PDAP1: variants seen among roughly 807,000 people sequenced by gnomAD.
PDAP1 encodes PDGFA associated protein 1, also known as 28 kDa heat- and acid-stable phosphoprotein.
PDAP1 carries 13 observed loss-of-function variants against 28.0 expected under a neutral mutation model. That is an observed-to-expected ratio of 0.46 (90% CI 0.30 to 0.74). The LOEUF is 0.74. Among genes scored for constraint, PDAP1 ranks in the 30% least tolerant of loss-of-function variants. The pLI, the probability that PDAP1 is intolerant of heterozygous loss-of-function variation, is 0.07. For missense variants in PDAP1, 150 were observed against 230.0 expected (o/e 0.65, Z 2.25); for synonymous variants, 77 against 85.1 (o/e 0.91, Z 0.52).
intron 4 of PDAP1, 95 bp from the exon 5 acceptor site, chr7:99,398,108 G>A: frequency 1.4e-6 from 2 of 1,434,300 alleles, no homozygotes; most frequent in Non-Finnish European, 9.6e-7. Flanking sequence ...TTCGGCCTAG[G>A]GCCGAGGTGG....
At chr7:99,403,286 A>G in intron 3 of PDAP1, 112 bp downstream of exon 3, 1 of 690,376 alleles carries the variant, frequency 1.4e-6, no homozygotes, top group African/African-American at 1.8e-5. Context: ...TAAACCCTCA[A>G]GAGCAAGGAC....
intron 3 of PDAP1, among the ~76,000 whole-genome samples, chr7:99,401,423 G>A (rs1041875995): frequency 1.3e-5 from 2 of 151,880 alleles, no homozygotes; most frequent in Non-Finnish European, 2.9e-5. Context: ...CGGTCTCCTG[G>A]GTTCAAGCAA....
chr7:99,398,615 G>T (rs1476856593), intron 4 of PDAP1, among the ~76,000 whole-genome samples: 1 of 152,224 alleles, frequency 6.6e-6, no homozygotes, highest in African/African-American at 2.4e-5. Context: ...GAGGCAGGCG[G>T]ATTGCTTGAG....
chr7:99,406,685 CACACA>C, intron 1 of PDAP1: 9 of 855,226 alleles, frequency 1.1e-5, no homozygotes, highest in Non-Finnish European at 1.1e-5. Context: ...CCTCAACTTC[CACACA>C]GGAAGCTGAG....
At chr7:99,402,187 C>T (rs1794880250) in intron 3 of PDAP1, among the ~76,000 whole-genome samples, 2 of 145,808 alleles carry the variant, frequency 1.4e-5, no homozygotes, top group Non-Finnish European at 3.0e-5. Flanking sequence ...CGAGATCGCA[C>T]CACTGCACTC....
At chr7:99,400,556 A>G in intron 3 of PDAP1, 132 bp from the exon 4 acceptor site, 1 of 970,110 alleles carries the variant, frequency 1.0e-6, no homozygotes, top group Non-Finnish European at 1.5e-6. Flanking sequence ...CGTAGTGCTC[A>G]GCCCAAGTCT....
In PDAP1 at chr7:99,394,782, A is replaced by T. The variant is rs922038164; in HGVS notation, c.*1900T>A. On this transcript the variant is annotated 3_prime_UTR_variant, in exon 6 of 6. Coordinates refer to ENST00000350498, the MANE Select transcript of PDAP1 (RefSeq NM_014891.7). ...GAGGTAATAAAATGCAACTGTGTAA[A>T]AAAAAAAAAAAAAAAAAAAGTAATT... 142 of 859,628 alleles carry T rather than the reference A, an allele frequency of 1.7e-4. No homozygotes were observed. The highest frequency in any genetic ancestry group is 1.9e-4 in the Non-Finnish European group (130 of 689,696). 53.3% of individuals were successfully genotyped at this position (859,628 alleles called of 1,614,324 possible).
intron 4 of PDAP1, among the ~76,000 whole-genome samples, chr7:99,398,607 G>A (rs1158639403): frequency 6.6e-6 from 1 of 152,238 alleles, no homozygotes; most frequent in Non-Finnish European, 1.5e-5. Context: ...GGGAGGCTGA[G>A]GCAGGCGGAT....
Position 99,394,870 on chromosome 7 carries a change from T to C in PDAP1, c.*1812A>G. The C allele has an allele frequency of 8.4e-7, 1 of 1,187,678 alleles. No individual in the cohort carries two copies. Among genetic ancestry groups the C allele is most frequent in the South Asian group, 4.0e-5 (1 of 25,064 alleles). The allele number at this position is 1,187,678 out of a possible 1,614,324, so 73.6% of individuals were successfully genotyped here. A position where few individuals can be genotyped will look rare whatever the true frequency, so the allele number is the denominator to read the frequency against. On this transcript the variant is annotated 3_prime_UTR_variant, in exon 6 of 6. Coordinates refer to ENST00000350498, the MANE Select transcript of PDAP1 (RefSeq NM_014891.7). ...GTTATTTCCTTGGGGTCTTGCTAAG[T>C]TTTCCAGGCTGCACTAGAACTCGTG...
intron 3 of PDAP1, 100 bp from the exon 4 acceptor site, chr7:99,400,524 A>C: frequency 7.3e-7 from 1 of 1,375,810 alleles, no homozygotes; most frequent in Non-Finnish European, 1.0e-6. Context: ...ATGAGGACAA[A>C]CTCCTGCTCC....
At chr7:99,398,795 G>T (rs1794810416) in intron 4 of PDAP1, among the ~76,000 whole-genome samples, 1 of 152,206 alleles carries the variant, frequency 6.6e-6, no homozygotes, top group Non-Finnish European at 1.5e-5. Context: ...GACACACCCA[G>T]TCTCAGGTCA....
chr7:99,405,808 GCTTGATGACTTTGGGCAGGTATTT>G (rs1384030308), intron 1 of PDAP1, among the ~76,000 whole-genome samples: 15 of 152,254 alleles, frequency 9.9e-5, no homozygotes, highest in African/African-American at 3.6e-4. Flanking sequence ...ACGCTTACTG[GCTTGATGACTTTGGGCAGGTATTT>G]AACCTCTCAG....
At chr7:99,402,573 CAAAAAAAA>C (rs58448407) in intron 3 of PDAP1, among the ~76,000 whole-genome samples, 1 of 56,676 alleles carries the variant, frequency 1.8e-5, no homozygotes, top group East Asian at 4.2e-4. Flanking sequence ...GACCCTGTCT[CAAAAAAAA>C]AAAAAAAAAA....
At position 99,396,506 on chromosome 7, in the gene PDAP1, C is replaced by T; in HGVS notation, c.*176G>A. On this transcript the variant is annotated 3_prime_UTR_variant, in exon 6 of 6. Coordinates refer to ENST00000350498, the MANE Select transcript of PDAP1 (RefSeq NM_014891.7). Reference sequence around the variant, plus strand: ...ATAGCAGCTACCCCTCCCCCAGTCCCCCCCCCCATCCCCCAAACAATTTCT... The same window carrying T: ...ATAGCAGCTACCCCTCCCCCAGTCCTCCCCCCCATCCCCCAAACAATTTCT... 1 of 512,984 alleles carries T rather than the reference C, an allele frequency of 1.9e-6. No individual in the cohort carries two copies. The highest frequency in any genetic ancestry group is 3.6e-6 in the Non-Finnish European group (1 of 274,626). 31.8% of individuals were successfully genotyped at this position (512,984 alleles called of 1,614,324 possible).
rs138561876 is a variant in PDAP1 at position 99,400,314 on chromosome 7, C to T, written c.324G>A (p.Ser108=). ...QLDLDGPKEL[S]RREREEIEKQ... ...GCCAGTGATGTTACCGTTCTCTCCT[C>T]GAAAGCTCCTTTGGCCCGTCCAGAT... The change falls in exon 4 of 6, where the codon TCG becomes TCA. Residue 108 remains serine, a synonymous_variant. Coordinates refer to ENST00000350498, the MANE Select transcript of PDAP1 (RefSeq NM_014891.7). 1.9e-6 allele frequency: 3 copies of T among 1,613,758 alleles called. No homozygotes were observed. Among genetic ancestry groups the T allele is most frequent in the African/African-American group, 2.7e-5 (2 of 75,032 alleles).
intron 5 of PDAP1, 62 bp downstream of exon 5, chr7:99,397,800 C>A (rs1239851236): frequency 1.3e-6 from 2 of 1,585,148 alleles, no homozygotes; most frequent in African/African-American, 1.3e-5. Context: ...GAGTTCAGTG[C>A]TTTGTGGCTG....
intron 1 of PDAP1, among the ~76,000 whole-genome samples, chr7:99,407,103 G>T (rs926541150): frequency 6.6e-6 from 1 of 152,130 alleles, no homozygotes; most frequent in Non-Finnish European, 1.5e-5. Context: ...TTTAAAAAAC[G>T]ATTTGCACTT....
intron 1 of PDAP1, among the ~76,000 whole-genome samples, chr7:99,407,865 TA>T (rs959731005): frequency 6.6e-6 from 1 of 152,152 alleles, no homozygotes; most frequent in African/African-American, 2.4e-5. Flanking sequence ...GGCAAAGCCT[TA>T]AAAATAAGAA....
At chr7:99,403,341 A>G in intron 3 of PDAP1, 57 bp downstream of exon 3, 1 of 1,054,648 alleles carries the variant, frequency 9.5e-7, no homozygotes, top group Non-Finnish European at 1.5e-6. Context: ...CGGTCACTCA[A>G]CGTTTGTTTG....
Sources: gnomAD v4.1 joint callset for allele counts (sites outside exome capture counted in the v4.1 genomes callset) on GRCh38, gnomAD v4.1.1 for gene constraint, MANE v1.5 for transcripts, NCBI Gene and HGNC (gene_info 2026-07-23, HGNC 2026-07-21) for gene names.